Variants in ZNF280D observed in about 807,000 individuals in gnomAD.
The protein encoded by ZNF280D is suppressor of hairy wing homolog 4.
In ZNF280D, 39 loss-of-function variants were observed where a neutral mutation model predicts 94.7. The ratio of observed to expected loss-of-function variants is 0.41; its 90% confidence interval spans 0.32 to 0.54. The LOEUF (loss-of-function observed/expected upper bound fraction) is 0.54, where lower values mean the gene tolerates loss of function less well. Ranked by LOEUF, ZNF280D falls within the 20% of genes least tolerant of loss-of-function variation. The pLI is 0.22. For missense variants in ZNF280D, 1,090 were observed against 1,149.3 expected, an observed-to-expected ratio of 0.95 and a Z score of 0.75; for synonymous variants, 398 against 377.6, an observed-to-expected ratio of 1.05 and a Z score of -0.63.
intron 3 of ZNF280D, 34 bp downstream of exon 3, chr15:56,707,048 A>G: frequency 1.9e-6 from 3 of 1,605,006 alleles, no homozygotes; most frequent in East Asian, 2.2e-5. Context: ...CAAAAGCCAC[A>G]TATATTAGTA....
rs181744638 is a variant in ZNF280D at position 56,670,441 on chromosome 15, C to T, written c.1411-1484G>A. On this transcript the variant is annotated intron_variant, in intron 13 of 21. Transcript: ENST00000267807. Reference sequence around the variant, plus strand: ...GCTCCCACTTATAAATGAGAAAACACGGTATTTTTCTGTTCCTGCATTAGT... The same window carrying T: ...GCTCCCACTTATAAATGAGAAAACATGGTATTTTTCTGTTCCTGCATTAGT... Among the ~76,000 whole-genome samples the T allele has an allele frequency of 1.8e-3, 274 of 151,742 alleles. 1 individual carries two copies. The highest frequency in any genetic ancestry group is 6.1e-3 in the African/African-American group (254 of 41,470).
chr15:56,706,606 T>C (rs1438070028), intron 3 of ZNF280D, among the ~76,000 whole-genome samples: 2 of 152,138 alleles, frequency 1.3e-5, no homozygotes, highest in Admixed American at 1.3e-4. Flanking sequence ...CTTGGACTTC[T>C]AGCCTCAAGA....
chr15:56,726,188 G>C (rs1263361679), intron 1 of ZNF280D, among the ~76,000 whole-genome samples: 2 of 149,148 alleles, frequency 1.3e-5, no homozygotes, highest in Non-Finnish European at 3.0e-5. Flanking sequence ...GTATTCATTA[G>C]AGATGTATTA....
intron 1 of ZNF280D, among the ~76,000 whole-genome samples, chr15:56,725,749 T>G (rs1259960071): frequency 3.3e-5 from 5 of 152,040 alleles, no homozygotes; most frequent in African/African-American, 1.2e-4. Context: ...GGTCAAAAAT[T>G]TGTAAGTTAC....
At chr15:56,684,377 C>T (rs151162634) in intron 9 of ZNF280D, among the ~76,000 whole-genome samples, 107 of 152,146 alleles carry the variant, frequency 7.0e-4, no homozygotes, top group African/African-American at 2.3e-3. Context: ...ATTATGCTGC[C>T]GTGGAGCAGT....
chr15:56,634,034 A>AT (rs1159398181), intron 21 of ZNF280D: 1 of 152,058 alleles, frequency 6.6e-6, no homozygotes, highest in Non-Finnish European at 1.5e-5. Context: ...AGATATAGAT[A>AT]TTTTTAAGGC....
intron 16 of ZNF280D, among the ~76,000 whole-genome samples, chr15:56,660,975 G>C (rs907927096): frequency 2.6e-5 from 4 of 151,460 alleles, no homozygotes; most frequent in Non-Finnish European, 5.9e-5. Flanking sequence ...GTTGCTTGGG[G>C]GGAGTGTTTG....
rs558377536 is a variant in ZNF280D at position 56,714,292 on chromosome 15, A to C, written c.-85-6986T>G. ...AGACAAAATACGGGATGATTATAGAATCTTAAGAGACTGTAGAAGATAAAT... is the reference window on the plus strand; with the variant it reads ...AGACAAAATACGGGATGATTATAGACTCTTAAGAGACTGTAGAAGATAAAT... On this transcript the variant is annotated intron_variant, in intron 1 of 21. Coordinates refer to ENST00000267807, the MANE Select transcript of ZNF280D (RefSeq NM_017661.4). Among the ~76,000 whole-genome samples the C allele has an allele frequency of 7.9e-5, 12 of 152,312 alleles. No homozygotes were observed. The South Asian group carries it at 2.5e-3, about 32-fold the overall frequency.
chr15:56,668,237 G>C (rs775802703), intron 14 of ZNF280D: 1 of 438,764 alleles, frequency 2.3e-6, no homozygotes, highest in Non-Finnish European at 4.5e-6. Context: ...ATATTCAAGA[G>C]CTGACTGTAT....
Position 56,642,988 on chromosome 15 carries a change from T to C in ZNF280D, c.2223A>G (p.Lys741=), listed in dbSNP as rs757472493. ...PTSEHLSELK[K]EAPAKEQEPV... is the part of the protein sequence containing the mutation. ...GTTCTTGTTCCTTTGCGGGAGCTTC[T>C]TTTTTTAATCTTGAAAACAAGATAA... Residue 741 remains lysine, a synonymous_variant, in exon 20 of 22, where the codon AAA becomes AAG. Transcript: ENST00000267807. 12 of 1,502,406 alleles carry C rather than the reference T, an allele frequency of 8.0e-6. No individual in the cohort carries two copies. The African/African-American group carries it at 1.4e-4, about 18-fold the overall frequency. The allele number at this position is 1,502,406 out of a possible 1,614,324, so 93.1% of individuals were successfully genotyped here. A position where few individuals can be genotyped will look rare whatever the true frequency, so the allele number is the denominator to read the frequency against.
At chr15:56,700,096 G>A (rs866480739) in intron 6 of ZNF280D, 1 of 588,772 alleles carries the variant, frequency 1.7e-6, no homozygotes, top group East Asian at 1.4e-4. Flanking sequence ...ACCTCTGAAA[G>A]GGTCTTGGGG....
intron 1 of ZNF280D, among the ~76,000 whole-genome samples, chr15:56,723,615 T>C (rs1227838030): frequency 6.6e-6 from 1 of 152,228 alleles, no homozygotes; most frequent in Non-Finnish European, 1.5e-5. Flanking sequence ...CTTGAATCCC[T>C]GGAGGTTTTT....
intron 21 of ZNF280D, among the ~76,000 whole-genome samples, chr15:56,633,508 G>A (rs1483534379): frequency 6.0e-5 from 9 of 150,488 alleles, no homozygotes; most frequent in Admixed American, 3.3e-4. Flanking sequence ...TTTTTTTTGA[G>A]GGGGGACAGT....
chr15:56,638,947 C>T (rs2052484541), intron 20 of ZNF280D, among the ~76,000 whole-genome samples: 1 of 151,180 alleles, frequency 6.6e-6, no homozygotes, highest in Non-Finnish European at 1.5e-5. Context: ...AGGATCACCA[C>T]ATAACAAAAG....
chr15:56,698,985 A>C (rs2056905458), intron 6 of ZNF280D: 1 of 152,138 alleles, frequency 6.6e-6, no homozygotes. Context: ...AAACCCACCT[A>C]AGCCATGACC....
At chr15:56,733,242 G>A (rs2058990458) in intron 1 of ZNF280D, among the ~76,000 whole-genome samples, 1 of 152,078 alleles carries the variant, frequency 6.6e-6, no homozygotes, top group East Asian at 1.9e-4. Context: ...GCCGCGTCGC[G>A]CCGGGATACC....
intron 3 of ZNF280D, among the ~76,000 whole-genome samples, chr15:56,706,501 A>G (rs1346693740): frequency 2.0e-5 from 3 of 151,818 alleles, no homozygotes; most frequent in Non-Finnish European, 4.4e-5. Context: ...AAACAAACAA[A>G]AAACGAGAAG....
intron 16 of ZNF280D, among the ~76,000 whole-genome samples, chr15:56,664,976 G>A (rs2054190011): frequency 6.6e-6 from 1 of 152,082 alleles, no homozygotes; most frequent in Admixed American, 6.6e-5. Context: ...AACATCATGG[G>A]GTAATGGAAA....
rs546737210 is a variant in ZNF280D, at chr15:56,632,315, G to C, written c.2316-193C>G. On this transcript the variant is annotated intron_variant, in intron 21 of 21. Coordinates refer to ENST00000267807, the MANE Select transcript of ZNF280D (RefSeq NM_017661.4). Reference sequence around the variant, plus strand: ...AGGCCATTTTCTTAGGCAAGATTCTGAGAAACTCTGGAATCACATACTAAA... The same window carrying C: ...AGGCCATTTTCTTAGGCAAGATTCTCAGAAACTCTGGAATCACATACTAAA... 2.0e-5 allele frequency among the ~76,000 whole-genome samples: 3 copies of C among 152,158 alleles called. No homozygotes were observed. In the East Asian group the frequency reaches 5.8e-4, roughly 29 times the overall value.
Sources: gnomAD v4.1 joint callset for allele counts (sites outside exome capture counted in the v4.1 genomes callset) on GRCh38, gnomAD v4.1.1 for gene constraint, MANE v1.5 for transcripts, NCBI Gene and HGNC (gene_info 2026-07-23, HGNC 2026-07-21) for gene names.